SPATA18: variants seen among roughly 807,000 people sequenced by gnomAD.
SPATA18 encodes the protein mitochondria-eating protein.
In SPATA18, 54 loss-of-function variants were observed where a neutral mutation model predicts 68.1. That is an observed-to-expected ratio of 0.79 (90% confidence interval 0.64 to 0.99). SPATA18 has a LOEUF of 0.99. SPATA18 is among the 50% of genes least tolerant of loss of function. SPATA18 has a pLI of 0.00. For synonymous variants in SPATA18, 242 were observed against 244.8 expected, an observed-to-expected ratio of 0.99 and a Z score of 0.11; for missense variants, 724 against 681.1, an observed-to-expected ratio of 1.06 and a Z score of -0.70.
At chr4:52,079,482 A>G (rs1032833933) in intron 8 of SPATA18, among the ~76,000 whole-genome samples, 1 of 152,224 alleles carries the variant, frequency 6.6e-6, no homozygotes. Context: ...GATAAATAAA[A>G]GCCACAGAAG....
chr4:52,090,641 A>G (rs1741853716), intron 11 of SPATA18, among the ~76,000 whole-genome samples: 1 of 151,922 alleles, frequency 6.6e-6, no homozygotes, highest in Non-Finnish European at 1.5e-5. Flanking sequence ...GGTTTTCTGC[A>G]GACAGATTCA....
chr4:52,082,667 TC>T (rs1283322283), intron 10 of SPATA18, 157 bp downstream of exon 10: 1 of 1,507,664 alleles, frequency 6.6e-7, no homozygotes, highest in African/African-American at 1.4e-5. Flanking sequence ...AAGAACTGAT[TC>T]TTTTCTTTGA....
intron 10 of SPATA18, chr4:52,083,323 T>C: frequency 3.0e-6 from 3 of 985,406 alleles, no homozygotes; most frequent in Non-Finnish European, 3.6e-6. Context: ...ATAGGGGAAG[T>C]GTTTTATGGC....
In SPATA18 at chr4:52,053,441, GA is replaced by G. The variant is rs1283256595; in HGVS notation, c.87+1652del. On this transcript the variant is annotated intron_variant, in intron 1 of 12. Transcript: ENST00000295213. ...GTTTGCAGGCATCATTATCACATTG[GA>G]ATGTTGACACCTGTATTCTTCCCCC... 2.0e-5 allele frequency among the ~76,000 whole-genome samples: 3 copies of G among 152,078 alleles called. No homozygotes were observed. In the East Asian group the frequency reaches 5.8e-4, roughly 29 times the overall value.
chr4:52,085,776 G>A (rs1339496092), intron 11 of SPATA18, among the ~76,000 whole-genome samples: 2 of 151,964 alleles, frequency 1.3e-5, no homozygotes, highest in Non-Finnish European at 2.9e-5. Flanking sequence ...AGGCATGGTG[G>A]CATGTGCCTG....
In SPATA18 at chr4:52,062,262, G is replaced by T. The variant is rs767528032; in HGVS notation, c.352G>T (p.Asp118Tyr). 1 of 1,608,268 alleles carries T rather than the reference G, an allele frequency of 6.2e-7. No homozygotes were observed. The highest frequency in any genetic ancestry group is 8.5e-7 in the Non-Finnish European group (1 of 1,177,158). ...GAGACATAAAGATCCCAGTCCTCGG[G>T]ATCGGGATATGCAACAGTTAGACTC... ...RERHKDPSPR[D>Y]RDMQQLDSNL... The change falls in exon 4 of 13, where the codon GAT (aspartate) becomes TAT (tyrosine). Residue 118 changes from aspartate (D) to tyrosine (Y), a missense_variant. Coordinates refer to ENST00000295213, the MANE Select transcript of SPATA18 (RefSeq NM_145263.4).
At chr4:52,055,130 G>A (rs1195646983) in intron 1 of SPATA18, among the ~76,000 whole-genome samples, 3 of 152,184 alleles carry the variant, frequency 2.0e-5, no homozygotes, top group Non-Finnish European at 2.9e-5. Flanking sequence ...ACAGGGGTTA[G>A]TGACTTTAAA....
In SPATA18 at chr4:52,069,801, G is replaced by T; in HGVS notation, c.423-20G>T. ...GCCAATTTTGAAAAATCTATCTTTA[G>T]TTACTGATTTATCTTACAGTCTGGT... On this transcript the variant is annotated intron_variant, in intron 4 of 12. Transcript: ENST00000295213. 1 of 1,523,998 alleles carries T rather than the reference G, an allele frequency of 6.6e-7. No homozygotes were observed. Among genetic ancestry groups the T allele is most frequent in the Non-Finnish European group, 8.9e-7 (1 of 1,128,282 alleles). The allele number at this position is 1,523,998 out of a possible 1,614,324, so 94.4% of individuals were successfully genotyped here.
intron 1 of SPATA18, among the ~76,000 whole-genome samples, chr4:52,055,094 G>C (rs1253639080): frequency 6.6e-6 from 1 of 152,114 alleles, no homozygotes; most frequent in African/African-American, 2.4e-5. Flanking sequence ...GGTAGCCAAA[G>C]GAGGCTCTTA....
At position 52,065,133 on chromosome 4, in the gene SPATA18, A is replaced by AT. The variant is rs199733690; in HGVS notation, c.422+2810dup. 2.3e-3 allele frequency among the ~76,000 whole-genome samples: 335 copies of AT among 147,976 alleles called. 2 individuals carry two copies. Among genetic ancestry groups the AT allele is most frequent in the African/African-American group, 7.0e-3 (281 of 40,206 alleles). On this transcript the variant is annotated intron_variant, in intron 4 of 12. Transcript: ENST00000295213. ...TTTTTAATGGTTTTTTTTCTTGCTG[A>AT]TTTTTTTTTGCGTTCCTTGTAGATT...
chr4:52,082,748 T>G (rs1007573904), intron 10 of SPATA18: 1 of 1,348,084 alleles, frequency 7.4e-7, no homozygotes, highest in African/African-American at 1.5e-5. Context: ...GGAGATGGAA[T>G]CAGTCATATT....
intron 6 of SPATA18, among the ~76,000 whole-genome samples, chr4:52,072,694 C>A (rs773066409): frequency 1.3e-5 from 2 of 152,186 alleles, no homozygotes; most frequent in Admixed American, 6.5e-5. Context: ...GCATGAGCCA[C>A]CACGCCCGGC....
chr4:52,079,584 C>T (rs1009117656), intron 8 of SPATA18, among the ~76,000 whole-genome samples, 160 bp from the exon 9 acceptor site: 4 of 152,136 alleles, frequency 2.6e-5, no homozygotes, highest in African/African-American at 9.7e-5. Flanking sequence ...GAATGGGTGG[C>T]AACATCTTTC....
In SPATA18 at chr4:52,051,626, C is replaced by T. The variant is rs368403271; in HGVS notation, c.-79C>T. 224 of 1,344,426 alleles carry T rather than the reference C, an allele frequency of 1.7e-4. 3 individuals are homozygous for T. The South Asian group carries it at 2.5e-3, about 15-fold the overall frequency. The allele number at this position is 1,344,426 out of a possible 1,614,324, so 83.3% of individuals were successfully genotyped here. A position where few individuals can be genotyped will look rare whatever the true frequency, so the allele number is the denominator to read the frequency against. Reference sequence around the variant, plus strand: ...GAGAACACCCTTCCCGCCATATCACCCCACGGTCCTGCGGAGGCCACCGCC... The same window carrying T: ...GAGAACACCCTTCCCGCCATATCACTCCACGGTCCTGCGGAGGCCACCGCC... On this transcript the variant is annotated 5_prime_UTR_variant, in exon 1 of 13. Transcript: ENST00000295213.
At chr4:52,082,598 G>T (rs1303100044) in intron 10 of SPATA18, 88 bp downstream of exon 10, 10 of 1,610,378 alleles carry the variant, frequency 6.2e-6, no homozygotes, top group East Asian at 4.5e-5. Context: ...TTCTATAAAA[G>T]AAGTTTATAA....
Position 52,055,642 on chromosome 4 carries a change from A to T in SPATA18, c.87+3851A>T, listed in dbSNP as rs1042492048. On this transcript the variant is annotated intron_variant, in intron 1 of 12. Coordinates refer to ENST00000295213, the MANE Select transcript of SPATA18 (RefSeq NM_145263.4). Reference sequence around the variant, plus strand: ...TGCTGTGGTTATCAATCTTCATTGCATATAGGAATTGTCTAAAAAGCTTTT... The same window carrying T: ...TGCTGTGGTTATCAATCTTCATTGCTTATAGGAATTGTCTAAAAAGCTTTT... 2.0e-5 allele frequency among the ~76,000 whole-genome samples: 3 copies of T among 152,072 alleles called. No individual in the cohort carries two copies. The East Asian group carries it at 5.8e-4, about 29-fold the overall frequency.
At chr4:52,094,239 T>C (rs1325696377) in intron 11 of SPATA18, among the ~76,000 whole-genome samples, 1 of 152,180 alleles carries the variant, frequency 6.6e-6, no homozygotes, top group Non-Finnish European at 1.5e-5. Flanking sequence ...CATTTTAGCT[T>C]TAATTTGTGA....
At chr4:52,060,659 CTT>C in intron 2 of SPATA18, 121 bp from the exon 3 acceptor site, 7 of 1,026,180 alleles carry the variant, frequency 6.8e-6, no homozygotes, top group South Asian at 1.7e-5. Flanking sequence ...TGTATTCTCT[CTT>C]TTTTTTTTAA....
At chr4:52,076,733 G>A in intron 6 of SPATA18, 46 bp from the exon 7 acceptor site, 2 of 1,598,514 alleles carry the variant, frequency 1.3e-6, no homozygotes, top group Non-Finnish European at 1.7e-6. Flanking sequence ...CTTTACTTAA[G>A]AAGCAAATCA....
Sources: gnomAD v4.1 joint callset for allele counts (sites outside exome capture counted in the v4.1 genomes callset) on GRCh38, gnomAD v4.1.1 for gene constraint, MANE v1.5 for transcripts, NCBI Gene and HGNC (gene_info 2026-07-23, HGNC 2026-07-21) for gene names.